PPP2R2B: variants seen among roughly 807,000 people sequenced by gnomAD.
PPP2R2B encodes protein phosphatase 2 regulatory subunit Bbeta, also known as serine/threonine-protein phosphatase 2A 55 kDa regulatory subunit B beta isoform.
Under a neutral mutation model 46.0 loss-of-function variants are expected in PPP2R2B, and 5 were observed. The observed-to-expected ratio is 0.11, with a 90% CI of 0.06 to 0.23. The LOEUF (loss-of-function observed/expected upper bound fraction) is 0.23, where lower values mean the gene tolerates loss of function less well. Ranked by LOEUF, PPP2R2B falls within the 10% of genes least tolerant of loss-of-function variation. The pLI is 1.00. For synonymous variants in PPP2R2B, 215 were observed against 206.7 expected (o/e 1.04, Z -0.34); for missense variants, 367 against 575.0 (o/e 0.64, Z 3.70).
chr5:146,763,193 C>T (rs1754269905), intron 2 of PPP2R2B, among the ~76,000 whole-genome samples: 1 of 152,194 alleles, frequency 6.6e-6, no homozygotes, highest in African/African-American at 2.4e-5. Flanking sequence ...TGCTTTTGCT[C>T]CACGACCTGC....
intron 1 of PPP2R2B, among the ~76,000 whole-genome samples, chr5:147,051,189 G>A (rs554717436): frequency 6.6e-6 from 1 of 152,320 alleles, no homozygotes; most frequent in South Asian, 2.1e-4. Context: ...TAAAGATTAA[G>A]AGTACCAATT....
At chr5:146,652,055 G>T (rs975303197) in intron 5 of PPP2R2B, among the ~76,000 whole-genome samples, 9 of 152,124 alleles carry the variant, frequency 5.9e-5, no homozygotes, top group Admixed American at 4.6e-4. Context: ...GGGGTCCTCT[G>T]AATACTAGGA....
In PPP2R2B at chr5:146,987,212, A is replaced by G. The variant is rs1753471580; in HGVS notation, c.79+68453T>C. 2.0e-5 allele frequency among the ~76,000 whole-genome samples: 3 copies of G among 152,274 alleles called. No individual in the cohort carries two copies. In the South Asian group the frequency reaches 6.2e-4, roughly 32 times the overall value. ...CTTTCTCAGACAAACAAAAGTTTAA[A>G]GACCTCATTACTACCAGACCTGACT... On this transcript the variant is annotated intron_variant, in intron 1 of 8. Transcript: ENST00000336640.
chr5:146,687,087 GGAGAGGAA>G (rs1462269283), intron 5 of PPP2R2B, among the ~76,000 whole-genome samples: 1 of 151,378 alleles, frequency 6.6e-6, no homozygotes, highest in Non-Finnish European at 1.5e-5. Context: ...GGAGAGAGAG[GGAGAGGAA>G]GAGAGGGAGA....
chr5:146,687,094 A>AAGAGAGGGAG (rs1778556625), intron 5 of PPP2R2B, among the ~76,000 whole-genome samples: 1 of 150,512 alleles, frequency 6.6e-6, no homozygotes, highest in East Asian at 2.0e-4. Flanking sequence ...GAGGGAGAGG[A>AAGAGAGGGAG]AGAGAGGGAG....
At chr5:146,902,525 A>T (rs1350832374) in intron 1 of PPP2R2B, among the ~76,000 whole-genome samples, 1 of 152,226 alleles carries the variant, frequency 6.6e-6, no homozygotes, top group Non-Finnish European at 1.5e-5. Flanking sequence ...AGATTAACAC[A>T]TTTAATTGTC....
chr5:146,770,258 C>A (rs1269014890), intron 2 of PPP2R2B, among the ~76,000 whole-genome samples: 2 of 138,146 alleles, frequency 1.4e-5, no homozygotes, highest in Non-Finnish European at 3.0e-5. Flanking sequence ...TTGAACCAGG[C>A]AGGCGGAGGT....
At chr5:146,598,650 A>T (rs1771469160) in intron 8 of PPP2R2B, among the ~76,000 whole-genome samples, 1 of 152,192 alleles carries the variant, frequency 6.6e-6, no homozygotes, top group Non-Finnish European at 1.5e-5. Flanking sequence ...AAAATTTTGG[A>T]GTAATCCTTG....
intron 1 of PPP2R2B, among the ~76,000 whole-genome samples, chr5:146,896,134 G>C (rs1218826853): frequency 2.6e-5 from 4 of 152,018 alleles, no homozygotes; most frequent in African/African-American, 9.7e-5. Context: ...TGATATGTCT[G>C]GGAAGAAGTG....
chr5:146,672,881 A>G (rs1308989939), intron 5 of PPP2R2B, among the ~76,000 whole-genome samples: 1 of 152,230 alleles, frequency 6.6e-6, no homozygotes, highest in Non-Finnish European at 1.5e-5. Context: ...ATAGGCATGT[A>G]CATTTTTTTG....
At chr5:146,709,163 C>T (rs1780073643) in intron 2 of PPP2R2B, among the ~76,000 whole-genome samples, 1 of 152,214 alleles carries the variant, frequency 6.6e-6, no homozygotes, top group Non-Finnish European at 1.5e-5. Flanking sequence ...GTTTTATCTT[C>T]AACCTGGTGC....
chr5:146,849,472 C>A (rs1760210711), intron 2 of PPP2R2B, among the ~76,000 whole-genome samples: 1 of 152,050 alleles, frequency 6.6e-6, no homozygotes, highest in Non-Finnish European at 1.5e-5. Context: ...CTGCTGTATC[C>A]CAAGTATAGT....
intron 1 of PPP2R2B, among the ~76,000 whole-genome samples, chr5:146,985,017 C>CTTTTTTTTTTTT (rs34277498): frequency 1.0e-5 from 1 of 99,492 alleles, no homozygotes; most frequent in African/African-American, 3.6e-5. Flanking sequence ...TTTTCTTTTT[C>CTTTTTTTTTTTT]TTTTTTTTTT....
chr5:147,069,709 C>T (rs1757517465), intron 2 of PPP2R2B, among the ~76,000 whole-genome samples: 2 of 150,424 alleles, frequency 1.3e-5, no homozygotes, highest in Admixed American at 1.3e-4. Flanking sequence ...AGAAAAGCCT[C>T]ACAGAAAAGC....
chr5:147,047,436 T>TA (rs1331738848), intron 1 of PPP2R2B, among the ~76,000 whole-genome samples: 4 of 152,092 alleles, frequency 2.6e-5, no homozygotes, highest in South Asian at 4.1e-4. Context: ...TTGTCAATTT[T>TA]AAAAAAATTT....
intron 2 of PPP2R2B, among the ~76,000 whole-genome samples, chr5:146,866,905 C>A (rs1761345822): frequency 6.6e-6 from 1 of 152,172 alleles, no homozygotes; most frequent in African/African-American, 2.4e-5. Flanking sequence ...CCTACAACAT[C>A]CTTTATAAGT....
intron 1 of PPP2R2B, among the ~76,000 whole-genome samples, chr5:146,998,857 C>CG (rs546153364): frequency 7.6e-4 from 116 of 151,814 alleles, no homozygotes; most frequent in African/African-American, 2.6e-3. Context: ...ACCACTGATT[C>CG]GGTGTTTAAA....
At chr5:147,077,491 G>T (rs1410819528) in intron 2 of PPP2R2B, among the ~76,000 whole-genome samples, 1 of 152,070 alleles carries the variant, frequency 6.6e-6, no homozygotes, top group East Asian at 1.9e-4. Flanking sequence ...AGGGAAAGCT[G>T]AATAATTTTT....
intron 1 of PPP2R2B, among the ~76,000 whole-genome samples, chr5:147,021,978 G>GA (rs1260884767): frequency 6.6e-6 from 1 of 151,748 alleles, no homozygotes; most frequent in Non-Finnish European, 1.5e-5. Flanking sequence ...TGAAATCTAT[G>GA]AAAAAAATAC....
Sources: allele counts gnomAD v4.1 joint callset (sites outside exome capture counted in the v4.1 genomes callset), GRCh38; gene constraint gnomAD v4.1.1; transcripts MANE v1.5; gene names NCBI Gene and HGNC (gene_info 2026-07-23, HGNC 2026-07-21).